PPP1R13L: variants seen among roughly 807,000 people sequenced by gnomAD.
PPP1R13L encodes the protein relA-associated inhibitor.
Under a neutral mutation model 80.9 loss-of-function variants are expected in PPP1R13L, and 50 were observed. That is an observed-to-expected ratio of 0.62 (90% confidence interval 0.49 to 0.78). The LOEUF is 0.78. PPP1R13L is among the 30% of genes least tolerant of loss of function. PPP1R13L has a pLI of 0.00. For synonymous variants in PPP1R13L, 602 were observed against 534.3 expected (o/e 1.13, Z -1.75); for missense variants, 1,200 against 1,205.9 (o/e 1.00, Z 0.07).
intron 11 of PPP1R13L, among the ~76,000 whole-genome samples, chr19:45,384,236 G>T (rs1972822099): frequency 6.6e-6 from 1 of 151,536 alleles, no homozygotes; most frequent in Non-Finnish European, 1.5e-5. Context: ...TAAATATTTT[G>T]TAGGCCGGGC....
At position 45,396,333 on chromosome 19, in the gene PPP1R13L, C is replaced by T. The variant is rs1315109782; in HGVS notation, c.811+5G>A. On this transcript the variant is annotated splice_donor_5th_base_variant and intron_variant, in intron 5 of 12. Coordinates refer to ENST00000360957, the MANE Select transcript of PPP1R13L (RefSeq NM_006663.4). This position sits in a 1 kb window ranked among gnomAD's most constrained non-coding sequence, Gnocchi z 5.3. ...TCCTCCATTCCCCGGGCCTCCACCA[C>T]TCACGTTCATAGCTCGCTGTCTGCG... is the stretch of plus-strand genomic sequence containing the variant. 2 of 1,613,986 alleles carry T rather than the reference C, an allele frequency of 1.2e-6. No homozygotes were observed. The highest frequency in any genetic ancestry group is 2.2e-5 in the South Asian group (2 of 91,094).
chr19:45,385,669 T>C lies in PPP1R13L; in HGVS notation c.2141A>G (p.Gln714Arg). The C allele has an allele frequency of 1.2e-6, 2 of 1,613,104 alleles. No individual in the cohort carries two copies. Among genetic ancestry groups the C allele is most frequent in the African/African-American group, 1.3e-5 (1 of 75,060 alleles). ...GGTGGCGAAGATTGCAGCGCCGTGCTGCACCAGCGCCATGCAGATGACTGT... is the reference window on the plus strand; with the variant it reads ...GGTGGCGAAGATTGCAGCGCCGTGCCGCACCAGCGCCATGCAGATGACTGT... ...NDTVICMALV[Q>R]HGAAIFATTL... Residue 714 changes from glutamine to arginine, a missense_variant, in exon 11 of 13, where the codon CAG (glutamine) becomes CGG (arginine). Transcript: ENST00000360957.
rs768147275 is a variant in PPP1R13L, at chr19:45,385,648, G to A, written c.2162C>T (p.Ala721Val). The A allele has an allele frequency of 6.2e-7, 1 of 1,613,104 alleles. No individual in the cohort carries two copies. The highest frequency in any genetic ancestry group is 2.2e-5 in the East Asian group (1 of 44,884). ...ALVQHGAAIFATTLSDGATAF... is the reference protein window; with the variant it reads ...ALVQHGAAIFVTTLSDGATAF... ...GGTGGCGCCGTCGCTGAGCGTGGTG[G>A]CGAAGATTGCAGCGCCGTGCTGCAC... The change falls in exon 11 of 13, where the codon GCC becomes GTC. Residue 721 changes from alanine (A) to valine (V), a missense_variant. This residue lies in a region of PPP1R13L where 165 missense variants were observed against 177.1 expected (regional missense o/e 0.93). Coordinates refer to ENST00000360957, the MANE Select transcript of PPP1R13L (RefSeq NM_006663.4).
chr19:45,399,479 C>T (rs1390716844), intron 1 of PPP1R13L, among the ~76,000 whole-genome samples: 3 of 150,650 alleles, frequency 2.0e-5, no homozygotes, highest in East Asian at 2.0e-4. Flanking sequence ...CAAAAATTAG[C>T]CAGGCGTGGT....
In PPP1R13L at chr19:45,398,146, C is replaced by T. The variant is rs925564099; in HGVS notation, c.57G>A (p.Ser19=). Residue 19 remains serine, a splice_region_variant and synonymous_variant, in exon 3 of 13, where the codon TCG becomes TCA. Transcript: ENST00000360957. ...TCAGATCCATGTGTTTCATGGCCAG[C>T]GCTGGGAAGGTGGGAGTGGAGGTAA... ...ARDFLDMNFQ[S]LAMKHMDLKQ... 1 of 1,613,576 alleles carries T rather than the reference C, an allele frequency of 6.2e-7. No individual in the cohort carries two copies. Among genetic ancestry groups the T allele is most frequent in the South Asian group, 1.1e-5 (1 of 91,056 alleles).
In PPP1R13L at chr19:45,380,091, G is replaced by T; in HGVS notation, c.*99C>A. 1 of 1,337,050 alleles carries T rather than the reference G, an allele frequency of 7.5e-7. No homozygotes were observed. Among genetic ancestry groups the T allele is most frequent in the South Asian group, 1.2e-5 (1 of 81,716 alleles). 82.8% of individuals were successfully genotyped at this position (1,337,050 alleles called of 1,614,324 possible). On this transcript the variant is annotated 3_prime_UTR_variant, in exon 13 of 13. Transcript: ENST00000360957. ...TGGCAAGGACCACCACCAGCAGGGTGAGGGGTGCAGATAAAGGCAGCAAAA... is the reference window on the plus strand; with the variant it reads ...TGGCAAGGACCACCACCAGCAGGGTTAGGGGTGCAGATAAAGGCAGCAAAA...
chr19:45,404,986 G>A lies in PPP1R13L; in HGVS notation c.-22+13C>T, dbSNP rs1220693773. ...TTTTCAGGGCCTCTGGTCCCCAGGA[G>A]GGTGAAACTCACGGATCCGGGCAGA... On this transcript the variant is annotated intron_variant, in intron 1 of 12. Coordinates refer to ENST00000360957, the MANE Select transcript of PPP1R13L (RefSeq NM_006663.4). 2.0e-6 allele frequency: 2 copies of A among 985,832 alleles called. No homozygotes were observed. Among genetic ancestry groups the A allele is most frequent in the East Asian group, 1.1e-4 (1 of 8,810 alleles). The allele number at this position is 985,832 out of a possible 1,614,324, so 61.1% of individuals were successfully genotyped here.
At chr19:45,386,565 G>C (rs530581649) in intron 8 of PPP1R13L, among the ~76,000 whole-genome samples, 2 of 151,924 alleles carry the variant, frequency 1.3e-5, no homozygotes, top group South Asian at 2.1e-4. Context: ...GTTACCAGGA[G>C]TGTTCATTCC....
chr19:45,396,919 G>A lies in PPP1R13L; in HGVS notation c.338C>T (p.Ser113Phe), dbSNP rs757198050. ...APTLHPYSPL[S>F]PKGRPSSPRT... ...CGGCGACGACGGCCGTCCCTTGGGG[G>A]ACAGCGGGCTGTAGGGGTGTAGGGT... The change falls in exon 4 of 13, where the codon TCC becomes TTC. Residue 113 changes from serine (S) to phenylalanine (F), a missense_variant. Around this residue, in one of 5 missense-constraint regions of PPP1R13L, gnomAD observed 764 missense variants for 714.5 expected, o/e 1.07. Transcript: ENST00000360957. The surrounding 1 kb of genome is among the most constrained non-coding windows in gnomAD (Gnocchi z 5.3). The A allele has an allele frequency of 4.0e-6, 6 of 1,494,240 alleles. No individual in the cohort carries two copies. The highest frequency in any genetic ancestry group is 4.4e-6 in the Non-Finnish European group (5 of 1,130,544). The allele number at this position is 1,494,240 out of a possible 1,614,324, so 92.6% of individuals were successfully genotyped here.
intron 11 of PPP1R13L, 56 bp downstream of exon 11, chr19:45,385,506 C>T: frequency 1.3e-6 from 2 of 1,519,972 alleles, no homozygotes; most frequent in Non-Finnish European, 1.8e-6. Context: ...AGTTGCTCCC[C>T]TCCCCGCTCC....
intron 8 of PPP1R13L, among the ~76,000 whole-genome samples, chr19:45,386,501 A>T (rs1003341377): frequency 6.6e-6 from 1 of 152,174 alleles, no homozygotes; most frequent in African/African-American, 2.4e-5. Flanking sequence ...ATTCACACAC[A>T]GTCTCACATT....
Position 45,379,969 on chromosome 19 carries a change from C to T in PPP1R13L, c.*221G>A, listed in dbSNP as rs1462186646. ...AGTGGTTTCCTGTCCCCAGTGATTTCCAGCCCTTCCCAGACCTCCCAAGGC... is the reference window on the plus strand; with the variant it reads ...AGTGGTTTCCTGTCCCCAGTGATTTTCAGCCCTTCCCAGACCTCCCAAGGC... On this transcript the variant is annotated 3_prime_UTR_variant, in exon 13 of 13. Coordinates refer to ENST00000360957, the MANE Select transcript of PPP1R13L (RefSeq NM_006663.4). 1 of 477,118 alleles carries T rather than the reference C, an allele frequency of 2.1e-6. No individual in the cohort carries two copies. 29.6% of individuals were successfully genotyped at this position (477,118 alleles called of 1,614,324 possible).
At position 45,392,329 on chromosome 19, in the gene PPP1R13L, G is replaced by T. The variant is rs778503013; in HGVS notation, c.1366C>A (p.Pro456Thr). 1.9e-6 allele frequency: 3 copies of T among 1,613,190 alleles called. No homozygotes were observed. Among genetic ancestry groups the T allele is most frequent in the Non-Finnish European group, 2.5e-6 (3 of 1,180,018 alleles). ...WPPVNEGPPK[P>T]PTELEPEPEI... ...GGCTCAGGCTCCAGCTCGGTGGGGG[G>T]TTTGGGGGGTCCTAGCCGGAACAAG... The change falls in exon 8 of 13, where the codon CCC becomes ACC. Residue 456 changes from proline (P) to threonine (T), a missense_variant. Physicochemically the swap from Pro to Thr is conservative, Grantham distance 38. Around this residue, in one of 5 missense-constraint regions of PPP1R13L, gnomAD observed 764 missense variants for 714.5 expected, o/e 1.07. Transcript: ENST00000360957.
At chr19:45,405,490 A>G (rs1973320818), upstream of PPP1R13L, among the ~76,000 whole-genome samples, 1 of 152,226 alleles carries the variant, frequency 6.6e-6, no homozygotes, top group Non-Finnish European at 1.5e-5. Flanking sequence ...AGTTTGGACT[A>G]CAACCCCCAG....
chr19:45,385,903 T>C lies in PPP1R13L; in HGVS notation c.2002A>G (p.Ile668Val). 1 of 1,611,802 alleles carries C rather than the reference T, an allele frequency of 6.2e-7. No homozygotes were observed. Among genetic ancestry groups the C allele is most frequent in the Non-Finnish European group, 8.5e-7 (1 of 1,179,152 alleles). ...EEGITALHNA[I>V]CGANYSIVDF... is the part of the protein sequence containing the mutation. The stretch of plus-strand genomic sequence containing the variant: ...ACGATAGAGTAGTTGGCGCCGCAGA[T>C]GGCGTTGTGCAAGGCAGTGATGCCC... The change falls in exon 10 of 13, where the codon ATC becomes GTC. Residue 668 changes from isoleucine (I) to valine (V), a missense_variant. This residue lies in a region of PPP1R13L where 214 missense variants were observed against 199.6 expected (regional missense o/e 1.07). Coordinates refer to ENST00000360957, the MANE Select transcript of PPP1R13L (RefSeq NM_006663.4).
chr19:45,391,959 G>A lies in PPP1R13L; in HGVS notation c.1736C>T (p.Pro579Leu), dbSNP rs1972981683. 4 of 1,511,018 alleles carry A rather than the reference G, an allele frequency of 2.6e-6. No individual in the cohort carries two copies. Among genetic ancestry groups the A allele is most frequent in the South Asian group, 1.3e-5 (1 of 74,490 alleles). The allele number at this position is 1,511,018 out of a possible 1,614,324, so 93.6% of individuals were successfully genotyped here. The change falls in exon 8 of 13, where the codon CCC becomes CTC. Residue 579 changes from proline to leucine, a missense_variant. Physicochemically the swap from Pro to Leu is moderately conservative, Grantham distance 98. Around this residue, in one of 5 missense-constraint regions of PPP1R13L, gnomAD observed 214 missense variants for 199.6 expected, o/e 1.07. Coordinates refer to ENST00000360957, the MANE Select transcript of PPP1R13L (RefSeq NM_006663.4). ...GGGAGCTGGTGGGGCAGGAGCAGGG[G>A]GCCCTGCCCTGGCCTCAGATCCCTC... is the stretch of plus-strand genomic sequence containing the variant. Reference protein sequence around the residue: ...ITEGSEARAGPPAPAPPAPIP... With the variant: ...ITEGSEARAGLPAPAPPAPIP...
intron 1 of PPP1R13L, among the ~76,000 whole-genome samples, chr19:45,399,536 A>C (rs1420484160): frequency 6.6e-6 from 1 of 150,428 alleles, no homozygotes; most frequent in Non-Finnish European, 1.5e-5. Flanking sequence ...AGGCAGGAGA[A>C]CGGCGTGAAC....
intron 11 of PPP1R13L, among the ~76,000 whole-genome samples, 153 bp from the exon 12 acceptor site, chr19:45,382,879 G>A (rs1972792042): frequency 6.6e-6 from 1 of 152,328 alleles, no homozygotes; most frequent in Non-Finnish European, 1.5e-5. Context: ...ATGGGAACCG[G>A]AGCTGGAGTC....
Position 45,397,015 on chromosome 19 carries a change from CT to C in PPP1R13L, c.241del (p.Ser81AlafsTer143). 7.3e-7 allele frequency: 1 copy of C among 1,370,278 alleles called. No individual in the cohort carries two copies. The highest frequency in any genetic ancestry group is 9.4e-7 in the Non-Finnish European group (1 of 1,064,018). The allele number at this position is 1,370,278 out of a possible 1,614,324, so 84.9% of individuals were successfully genotyped here. On this transcript the variant is annotated frameshift_variant, in exon 4 of 13. Transcript: ENST00000360957. LOFTEE classifies it high-confidence loss of function. The stretch of plus-strand genomic sequence containing the variant: ...GGCCGCCTTCCGGGGGGACCCTCGG[CT>C]GCCGAAGGGCTCAGGGATCGAGCTG... ...SSSSIPEPFG[S>X]RGSPRKAATD...
Sources: gnomAD v4.1 joint callset for allele counts (sites outside exome capture counted in the v4.1 genomes callset) on GRCh38, gnomAD v4.1.1 for gene constraint, gnomAD v4.1.1 regional missense constraint, Gnocchi (gnomAD v3.1) non-coding constraint, MANE v1.5 for transcripts, NCBI Gene and HGNC (gene_info 2026-07-23, HGNC 2026-07-21) for gene names.